Variants in ABLIM2 observed in about 807,000 individuals in gnomAD.
ABLIM2 encodes the protein actin binding LIM protein family member 2.
In ABLIM2, 53 loss-of-function variants were observed where a neutral mutation model predicts 97.7. That is an observed-to-expected ratio of 0.54 (90% CI 0.44 to 0.68). The LOEUF (loss-of-function observed/expected upper bound fraction) is 0.68, where lower values mean the gene tolerates loss of function less well. Among genes scored for constraint, ABLIM2 ranks in the 30% least tolerant of loss-of-function variants. ABLIM2 has a pLI of 0.00. For missense variants in ABLIM2, 835 were observed against 867.2 expected, an observed-to-expected ratio of 0.96 and a Z score of 0.47; for synonymous variants, 361 against 345.8, an observed-to-expected ratio of 1.04 and a Z score of -0.49.
chr4:8,010,036 G>A (rs952771436), intron 14 of ABLIM2, among the ~76,000 whole-genome samples: 3 of 152,208 alleles, frequency 2.0e-5, no homozygotes, highest in African/African-American at 4.8e-5. Context: ...AGACATCCAC[G>A]AAGAGCAGTC....
chr4:8,098,730 C>T (rs547198668), intron 2 of ABLIM2, among the ~76,000 whole-genome samples: 1 of 152,288 alleles, frequency 6.6e-6, no homozygotes, highest in East Asian at 1.9e-4. Context: ...CCTCCTTGTC[C>T]TCATCTAGCA....
chr4:8,084,982 C>T (rs1429579480), intron 4 of ABLIM2, among the ~76,000 whole-genome samples: 4 of 152,192 alleles, frequency 2.6e-5, no homozygotes, highest in African/African-American at 9.7e-5. Flanking sequence ...AGCTGGGGGC[C>T]TCACGGGAAG....
intron 2 of ABLIM2, 36 bp downstream of exon 2, chr4:8,106,457 TC>T: frequency 6.4e-7 from 1 of 1,572,218 alleles, no homozygotes; most frequent in Non-Finnish European, 8.6e-7. Flanking sequence ...GAGGCCCGTT[TC>T]AGGGGCCACA....
intron 3 of ABLIM2, among the ~76,000 whole-genome samples, chr4:8,092,912 G>A (rs1311001020): frequency 6.6e-6 from 1 of 152,126 alleles, no homozygotes; most frequent in South Asian, 2.1e-4. Flanking sequence ...GCAGTGGCGT[G>A]ATCTTGGCTC....
At chr4:8,062,064 C>T (rs1352986478) in intron 6 of ABLIM2, among the ~76,000 whole-genome samples, 1 of 151,714 alleles carries the variant, frequency 6.6e-6, no homozygotes, top group Non-Finnish European at 1.5e-5. Context: ...GGGCTCTTCC[C>T]GCAGGGCCCA....
chr4:7,975,952 G>A (rs917590844), intron 20 of ABLIM2, among the ~76,000 whole-genome samples: 1 of 152,110 alleles, frequency 6.6e-6, no homozygotes, highest in African/African-American at 2.4e-5. Flanking sequence ...GTCCCACGAA[G>A]AACCATGTAG....
intron 1 of ABLIM2, among the ~76,000 whole-genome samples, chr4:8,156,449 C>G (rs573097886): frequency 6.6e-6 from 1 of 152,180 alleles, no homozygotes; most frequent in Non-Finnish European, 1.5e-5. Context: ...GCTATATAAA[C>G]AATCGCTCTG....
In ABLIM2 at chr4:8,033,312, G is replaced by A. The variant is rs999339163; in HGVS notation, c.1047+2837C>T. Among the ~76,000 whole-genome samples the A allele has an allele frequency of 6.6e-6, 1 of 152,158 alleles. No homozygotes were observed. The highest frequency in any genetic ancestry group is 6.5e-5 in the Admixed American group (1 of 15,286). ...AACGCCGTTCCCACAGCAGAGCGGG[G>A]AGGCACTCTGTTCACAGGAACCATG... On this transcript the variant is annotated intron_variant, in intron 10 of 20. Transcript: ENST00000447017. The surrounding 1 kb of genome is among the most constrained non-coding windows in gnomAD (Gnocchi z 4.5).
rs925650544 is a variant in ABLIM2, at chr4:7,984,571, G to A, written c.1735+268C>T. Among the ~76,000 whole-genome samples, 5 of 152,374 alleles carry A rather than the reference G, an allele frequency of 3.3e-5. No homozygotes were observed. In the East Asian group the frequency reaches 5.8e-4, roughly 18 times the overall value. ...TGCCTGTGACTCTGCTTTCCCAAGT[G>A]ACACAGAGTGCCATACAATGCAGGA... On this transcript the variant is annotated intron_variant, in intron 18 of 20. Transcript: ENST00000447017.
At chr4:7,987,823 G>A (rs1745609325) in intron 17 of ABLIM2, among the ~76,000 whole-genome samples, 1 of 152,066 alleles carries the variant, frequency 6.6e-6, no homozygotes, top group African/African-American at 2.4e-5. Flanking sequence ...GTGGGGATGG[G>A]GTGTGCAAGG....
chr4:8,148,137 G>A lies in ABLIM2; in HGVS notation c.10+10543C>T, dbSNP rs866401543. ...CACCATGCGCACCTTCCCCGGCAGA[G>A]AAGGGGTTTGGAGTGGCAGGAGGCA... On this transcript the variant is annotated intron_variant, in intron 1 of 20. Coordinates refer to ENST00000447017, the MANE Select transcript of ABLIM2 (RefSeq NM_001130083.2). This position sits in a 1 kb window ranked among gnomAD's most constrained non-coding sequence, Gnocchi z 6.7. 6.6e-6 allele frequency among the ~76,000 whole-genome samples: 1 copy of A among 152,256 alleles called. No homozygotes were observed. The highest frequency in any genetic ancestry group is 2.1e-4 in the South Asian group (1 of 4,834).
chr4:8,109,123 C>T (rs1303635769), intron 1 of ABLIM2, among the ~76,000 whole-genome samples: 2 of 152,274 alleles, frequency 1.3e-5, no homozygotes, highest in Non-Finnish European at 2.9e-5. Context: ...CACCGCCTGT[C>T]CCCTGAGTGC....
At chr4:8,053,835 C>T (rs551079389) in intron 8 of ABLIM2, among the ~76,000 whole-genome samples, 12 of 152,162 alleles carry the variant, frequency 7.9e-5, no homozygotes, top group African/African-American at 1.9e-4. Flanking sequence ...CATGAGTTCC[C>T]GCCTTCTCTC....
chr4:8,103,494 G>A (rs889377297), intron 2 of ABLIM2, among the ~76,000 whole-genome samples: 3 of 152,246 alleles, frequency 2.0e-5, no homozygotes, highest in South Asian at 4.1e-4. Flanking sequence ...CCTGGCACAG[G>A]TGCCTGGCAC....
rs956692901 is a variant in ABLIM2, at chr4:8,015,522, C to G, written c.1423+4096G>C. On this transcript the variant is annotated intron_variant, in intron 14 of 20. Coordinates refer to ENST00000447017, the MANE Select transcript of ABLIM2 (RefSeq NM_001130083.2). The surrounding 1 kb of genome is among the most constrained non-coding windows in gnomAD (Gnocchi z 4.6). ...AAAAGGACCCAAAACCAAAATGAAA[C>G]TCAACCCCACTAGAATCTGGAATCC... 6.6e-6 allele frequency among the ~76,000 whole-genome samples: 1 copy of G among 152,190 alleles called. No individual in the cohort carries two copies. The highest frequency in any genetic ancestry group is 1.5e-5 in the Non-Finnish European group (1 of 68,040).
At position 8,106,569 on chromosome 4, in the gene ABLIM2, A is replaced by G; in HGVS notation, c.79T>C (p.Cys27Arg). The change falls in exon 2 of 21, where the codon TGT becomes CGT. Residue 27 changes from cysteine to arginine, a missense_variant. Physicochemically the swap from Cys to Arg is radical, Grantham distance 180. Coordinates refer to ENST00000447017, the MANE Select transcript of ABLIM2 (RefSeq NM_001130083.2). ...SPSTAILCNT[C>R]GNVCKGEVLR... ...ACCTCGCCCTTGCACACATTCCCAC[A>G]CGTGTTGCACAGGATCGCCGTGCTG... The G allele has an allele frequency of 1.2e-6, 2 of 1,610,672 alleles. No homozygotes were observed. Among genetic ancestry groups the G allele is most frequent in the Non-Finnish European group, 8.5e-7 (1 of 1,178,808 alleles).
intron 2 of ABLIM2, among the ~76,000 whole-genome samples, chr4:8,097,567 C>G (rs1832339442): frequency 6.6e-6 from 1 of 152,192 alleles, no homozygotes; most frequent in Non-Finnish European, 1.5e-5. Context: ...TGCCCAGCCT[C>G]CCACCCTCGC....
chr4:7,991,070 A>G (rs760113993), intron 17 of ABLIM2, among the ~76,000 whole-genome samples: 1 of 152,158 alleles, frequency 6.6e-6, no homozygotes, highest in Non-Finnish European at 1.5e-5. Flanking sequence ...ATTCACAGAA[A>G]GTTTAGTTCT....
intron 1 of ABLIM2, among the ~76,000 whole-genome samples, chr4:8,154,768 G>A (rs1714710154): frequency 6.6e-6 from 1 of 152,162 alleles, no homozygotes; most frequent in South Asian, 2.1e-4. Context: ...GAGCAGCGTG[G>A]GCTCACGTAT....
Sources: gnomAD v4.1 joint callset for allele counts (sites outside exome capture counted in the v4.1 genomes callset) on GRCh38, gnomAD v4.1.1 for gene constraint, Gnocchi (gnomAD v3.1) non-coding constraint, MANE v1.5 for transcripts, NCBI Gene and HGNC (gene_info 2026-07-23, HGNC 2026-07-21) for gene names.